Variants in PPFIBP2 observed in about 807,000 individuals in gnomAD.
PPFIBP2 encodes the protein liprin-beta-2.
A neutral mutation model predicts 118.3 loss-of-function variants in PPFIBP2; 118 were observed. The ratio of observed to expected loss-of-function variants is 1.00; its 90% confidence interval spans 0.86 to 1.16. PPFIBP2 has a LOEUF of 1.16. Among genes scored for constraint, PPFIBP2 ranks in the 50% most tolerant of loss-of-function variants. The probability of loss-of-function intolerance (pLI) is 0.00; values close to 1 mark genes in which losing one functional copy is unlikely to be tolerated. For missense variants in PPFIBP2, 1,195 were observed against 1,073.1 expected (o/e 1.11, Z -1.59); for synonymous variants, 414 against 397.4 (o/e 1.04, Z -0.50).
intron 2 of PPFIBP2, among the ~76,000 whole-genome samples, chr11:7,555,750 G>A (rs534431494): frequency 1.3e-5 from 2 of 152,216 alleles, no homozygotes; most frequent in Admixed American, 6.5e-5. Flanking sequence ...TTCCCTCACT[G>A]GTAGACCCCA....
chr11:7,552,160 G>C (rs996771330), intron 2 of PPFIBP2, among the ~76,000 whole-genome samples: 4 of 152,224 alleles, frequency 2.6e-5, no homozygotes, highest in Non-Finnish European at 5.9e-5. Flanking sequence ...CTACTTGTTT[G>C]AAAACCTAGC....
chr11:7,515,698 G>A (rs1395235856), intron 1 of PPFIBP2, among the ~76,000 whole-genome samples: 1 of 152,178 alleles, frequency 6.6e-6, no homozygotes, highest in Non-Finnish European at 1.5e-5. Context: ...TGACAAGGCT[G>A]GAAAATAGTC....
At chr11:7,628,515 T>G (rs2135724536) in intron 9 of PPFIBP2, among the ~76,000 whole-genome samples, 169 bp downstream of exon 9, 1 of 152,354 alleles carries the variant, frequency 6.6e-6, no homozygotes, top group South Asian at 2.1e-4. Context: ...CTCAGCCACC[T>G]GTTTTTGGCT....
chr11:7,523,422 A>G lies in PPFIBP2; in HGVS notation c.-37+9301A>G, dbSNP rs1030095405. Among the ~76,000 whole-genome samples, 9 of 152,238 alleles carry G rather than the reference A, an allele frequency of 5.9e-5. No individual in the cohort carries two copies. In the South Asian group the frequency reaches 1.0e-3, roughly 18 times the overall value. The stretch of plus-strand genomic sequence containing the variant: ...TATACACAAAGAATACTGGGAGCCA[A>G]CGTTGAAGGAAAACTTGTCAAACTT... On this transcript the variant is annotated intron_variant, in intron 1 of 23. Transcript: ENST00000299492.
chr11:7,588,065 A>G (rs1448731270), intron 3 of PPFIBP2, among the ~76,000 whole-genome samples: 1 of 152,136 alleles, frequency 6.6e-6, no homozygotes, highest in African/African-American at 2.4e-5. Flanking sequence ...GAAAAATCTC[A>G]TCCCTAAAAT....
chr11:7,623,564 G>T (rs1356739434), intron 7 of PPFIBP2, among the ~76,000 whole-genome samples: 1 of 152,146 alleles, frequency 6.6e-6, no homozygotes, highest in African/African-American at 2.4e-5. Flanking sequence ...TGGTCTGTAG[G>T]GTCCATGGTA....
intron 6 of PPFIBP2, among the ~76,000 whole-genome samples, chr11:7,612,230 G>A (rs1009041475): frequency 3.9e-5 from 6 of 152,238 alleles, no homozygotes; most frequent in African/African-American, 1.4e-4. Flanking sequence ...CTCCCCAGGT[G>A]GTGACAGAGA....
rs559385526 is a variant in PPFIBP2, at chr11:7,584,023, A to G, written c.280-9109A>G. On this transcript the variant is annotated intron_variant, in intron 3 of 23. Coordinates refer to ENST00000299492, the MANE Select transcript of PPFIBP2 (RefSeq NM_003621.5). The stretch of plus-strand genomic sequence containing the variant: ...GGTGAAATGTTTTTGTCTCTCCTCT[A>G]TGCCCCTGCCATTCATGTGCATACA... Among the ~76,000 whole-genome samples the G allele has an allele frequency of 6.6e-5, 10 of 152,330 alleles. No individual in the cohort carries two copies. The South Asian group carries it at 1.7e-3, about 25-fold the overall frequency.
chr11:7,549,534 T>C lies in PPFIBP2; in HGVS notation c.59T>C (p.Ile20Thr). Residue 20 changes from isoleucine to threonine, a missense_variant, in exon 2 of 24, where the codon ATT becomes ACT. Transcript: ENST00000299492. ...GCCCTGGAGCAAATGGACGGGATCA[T>C]TGCAGGTACGCCCAGGGAACCCCAG... is the stretch of plus-strand genomic sequence containing the variant. ...EAALEQMDGI[I>T]AGTKTGADLS... The C allele has an allele frequency of 6.4e-7, 1 of 1,562,014 alleles. No individual in the cohort carries two copies. Among genetic ancestry groups the C allele is most frequent in the Non-Finnish European group, 8.7e-7 (1 of 1,153,150 alleles).
intron 15 of PPFIBP2, among the ~76,000 whole-genome samples, chr11:7,640,398 T>C (rs1852015246): frequency 6.6e-6 from 1 of 152,200 alleles, no homozygotes; most frequent in Non-Finnish European, 1.5e-5. Context: ...GGTCTGCAGG[T>C]ATCCTTTCGG....
chr11:7,666,477 C>A, the PPFIBP2 span: 1 of 1,613,092 alleles, frequency 6.2e-7, no homozygotes, highest in Middle Eastern at 1.7e-4. Flanking sequence ...CAGGGTGTAC[C>A]ACAGGTTGAA....
intron 10 of PPFIBP2, among the ~76,000 whole-genome samples, 178 bp from the exon 11 acceptor site, chr11:7,630,747 T>C (rs553302562): frequency 3.3e-5 from 5 of 152,354 alleles, no homozygotes; most frequent in African/African-American, 1.2e-4. Context: ...GAAATGATCC[T>C]GATGCCAGCC....
chr11:7,623,314 G>A (rs1256222645), intron 7 of PPFIBP2, among the ~76,000 whole-genome samples: 2 of 152,162 alleles, frequency 1.3e-5, no homozygotes, highest in South Asian at 2.1e-4. Context: ...CAGAGCATCC[G>A]TCTCTGCCCA....
At position 7,603,677 on chromosome 11, in the gene PPFIBP2, G is replaced by T. The variant is rs542435690; in HGVS notation, c.486+6004G>T. 4.3e-4 allele frequency among the ~76,000 whole-genome samples: 65 copies of T among 152,256 alleles called. 1 individual carries two copies. Among genetic ancestry groups the T allele is most frequent in the African/African-American group, 1.5e-3 (64 of 41,560 alleles). On this transcript the variant is annotated intron_variant, in intron 5 of 23. Transcript: ENST00000299492. ...AAATTCTTTTTTTCAGCTTTAGTCA[G>T]AGCCTGAGTTTTGGAAAAAGGAAAT...
chr11:7,539,063 T>C (rs1392075185), intron 1 of PPFIBP2: 1 of 152,260 alleles, frequency 6.6e-6, no homozygotes, highest in African/African-American at 2.4e-5. Flanking sequence ...TCAGTGGCAT[T>C]CTTCTATTTT....
At position 7,649,161 on chromosome 11, in the gene PPFIBP2, A is replaced by G. The variant is rs1448056687; in HGVS notation, c.1924A>G (p.Ile642Val). The G allele has an allele frequency of 1.2e-6, 2 of 1,614,008 alleles. No individual in the cohort carries two copies. Among genetic ancestry groups the G allele is most frequent in the African/African-American group, 2.7e-5 (2 of 75,046 alleles). ...TGTATTTGTAGGGTGGCTTGATGAT[A>G]TTGGCTTACCCCAGTACAAAGACCA... is the stretch of plus-strand genomic sequence containing the variant. ...HIWVTRWLDD[I>V]GLPQYKDQFH... Residue 642 changes from isoleucine (I) to valine (V), a missense_variant, in exon 20 of 24, where the codon ATT becomes GTT. Coordinates refer to ENST00000299492, the MANE Select transcript of PPFIBP2 (RefSeq NM_003621.5).
chr11:7,534,981 A>T (rs1386194285), intron 1 of PPFIBP2, among the ~76,000 whole-genome samples: 1 of 152,228 alleles, frequency 6.6e-6, no homozygotes, highest in African/African-American at 2.4e-5. Flanking sequence ...ATGGGACCTC[A>T]TAGGCTCTTT....
At chr11:7,636,571 T>C (rs1203437243) in intron 14 of PPFIBP2, among the ~76,000 whole-genome samples, 1 of 152,004 alleles carries the variant, frequency 6.6e-6, no homozygotes, top group Non-Finnish European at 1.5e-5. Context: ...CGCTCAGCAG[T>C]CCCCCCTCCC....
intron 1 of PPFIBP2, among the ~76,000 whole-genome samples, chr11:7,519,140 A>G (rs564818144): frequency 6.6e-6 from 1 of 151,886 alleles, no homozygotes; most frequent in African/African-American, 2.4e-5. Flanking sequence ...GAAGATGGCG[A>G]CTGGGAAGAT....
Sources: gnomAD v4.1 joint callset for allele counts (sites outside exome capture counted in the v4.1 genomes callset) on GRCh38, gnomAD v4.1.1 for gene constraint, MANE v1.5 for transcripts, NCBI Gene and HGNC (gene_info 2026-07-23, HGNC 2026-07-21) for gene names.